The following STK32B variants were observed in gnomAD, a reference collection of about 807,000 sequenced individuals.
The protein encoded by STK32B is serine/threonine kinase 32B, also known as serine/threonine-protein kinase 32B.
Under a neutral mutation model 52.6 loss-of-function variants are expected in STK32B, and 43 were observed. The observed-to-expected ratio is 0.82, with a 90% confidence interval of 0.64 to 1.05. STK32B has a LOEUF of 1.05. Ranked by LOEUF, STK32B falls within the 50% of genes least tolerant of loss-of-function variation. The pLI is 0.00. For synonymous variants in STK32B, 238 were observed against 204.3 expected, an observed-to-expected ratio of 1.17 and a Z score of -1.41; for missense variants, 621 against 534.6, an observed-to-expected ratio of 1.16 and a Z score of -1.59.
intron 5 of STK32B, among the ~76,000 whole-genome samples, chr4:5,413,072 T>C (rs527264117): frequency 1.0e-3 from 159 of 152,288 alleles, no homozygotes; most frequent in African/African-American, 3.7e-3. Context: ...AGAAACCCTG[T>C]TGACAGCTTG....
chr4:5,184,446 G>T (rs916114928), intron 3 of STK32B, among the ~76,000 whole-genome samples: 1 of 152,110 alleles, frequency 6.6e-6, no homozygotes, highest in African/African-American at 2.4e-5. Flanking sequence ...TGATCACTTT[G>T]GGAGGCTGAG....
At chr4:5,334,060 C>G (rs1732460714) in intron 4 of STK32B, among the ~76,000 whole-genome samples, 1 of 152,042 alleles carries the variant, frequency 6.6e-6, no homozygotes, top group Non-Finnish European at 1.5e-5. Flanking sequence ...CTATAAATTA[C>G]CTTGGGCAGT....
At chr4:5,034,149 C>T in the STK32B span, among the ~76,000 whole-genome samples, 1 of 152,230 alleles carries the variant, frequency 6.6e-6, no homozygotes, top group East Asian at 1.9e-4. Flanking sequence ...CTCCATTTCA[C>T]CTAGCTGGAG....
chr4:5,237,743 C>T lies in STK32B; in HGVS notation c.260+69293C>T, dbSNP rs1017180814. Among the ~76,000 whole-genome samples the T allele has an allele frequency of 2.0e-5, 3 of 152,236 alleles. No individual in the cohort carries two copies. The East Asian group carries it at 5.8e-4, about 29-fold the overall frequency. On this transcript the variant is annotated intron_variant, in intron 3 of 11. Transcript: ENST00000282908. ...ACACACCATGACAAAGCAGCCTCCC[C>T]CCATCATGGCCACCTCTACCTGGCG...
intron 6 of STK32B, among the ~76,000 whole-genome samples, chr4:5,433,648 G>T (rs939645568): frequency 6.6e-6 from 1 of 152,206 alleles, no homozygotes; most frequent in South Asian, 2.1e-4. Flanking sequence ...TGTGTTCCCA[G>T]TCAAGAAGAG....
At chr4:5,174,399 A>G (rs1719651691) in intron 3 of STK32B, among the ~76,000 whole-genome samples, 1 of 152,064 alleles carries the variant, frequency 6.6e-6, no homozygotes, top group Non-Finnish European at 1.5e-5. Context: ...CCTAGCCTCG[A>G]TGGTCTTTAC....
At chr4:5,438,101 C>T in intron 6 of STK32B, 1 of 985,348 alleles carries the variant, frequency 1.0e-6, no homozygotes, top group Non-Finnish European at 1.2e-6. Flanking sequence ...AACACCTCGG[C>T]ACACACAGCC....
At position 5,398,284 on chromosome 4, in the gene STK32B, A is replaced by C; in HGVS notation, c.472+40A>C. 6.2e-7 allele frequency: 1 copy of C among 1,612,630 alleles called. No homozygotes were observed. ...AATCCTTTACAGGGACTCTCAGTGG[A>C]AAGTTTGAGGCACTGGGAAATAGTG... On this transcript the variant is annotated intron_variant, in intron 5 of 11. Coordinates refer to ENST00000282908, the MANE Select transcript of STK32B (RefSeq NM_018401.3). The surrounding 1 kb of genome is among the most constrained non-coding windows in gnomAD (Gnocchi z 4.9).
Position 5,416,951 on chromosome 4 carries a change from C to G in STK32B, c.562+17C>G. The G allele has an allele frequency of 6.2e-7, 1 of 1,604,230 alleles. No homozygotes were observed. Among genetic ancestry groups the G allele is most frequent in the South Asian group, 1.1e-5 (1 of 89,280 alleles). ...CCTACATGGGTGAGTGTTCCAGGCC[C>G]CTTCTTTTCATGTGATCGGGCTCAC... On this transcript the variant is annotated intron_variant, in intron 6 of 11. Transcript: ENST00000282908.
In STK32B at chr4:5,487,476, C is replaced by A. The variant is rs1372449191; in HGVS notation, c.1107-11469C>A. Reference sequence around the variant, plus strand: ...TTGTACAATGATTTTGAACTCACAGCCGAAGCCTAAGGGCAACAAACTAAA... The same window carrying A: ...TTGTACAATGATTTTGAACTCACAGACGAAGCCTAAGGGCAACAAACTAAA... On this transcript the variant is annotated intron_variant, in intron 11 of 11. Coordinates refer to ENST00000282908, the MANE Select transcript of STK32B (RefSeq NM_018401.3). 3.3e-5 allele frequency among the ~76,000 whole-genome samples: 5 copies of A among 152,100 alleles called. No individual in the cohort carries two copies. The South Asian group carries it at 8.3e-4, about 25-fold the overall frequency.
intron 11 of STK32B, among the ~76,000 whole-genome samples, chr4:5,483,263 G>A (rs1310843198): frequency 2.0e-5 from 3 of 151,624 alleles, no homozygotes; most frequent in Non-Finnish European, 4.4e-5. Flanking sequence ...CTCAATTTCA[G>A]AGCCTGTTAT....
chr4:5,037,399 C>T, the STK32B span, among the ~76,000 whole-genome samples: 1 of 152,118 alleles, frequency 6.6e-6, no homozygotes, highest in East Asian at 1.9e-4. Flanking sequence ...AAAATGGTCC[C>T]CACTTTACAA....
At chr4:5,055,908 A>G (rs1741988379) in intron 1 of STK32B, among the ~76,000 whole-genome samples, 1 of 150,672 alleles carries the variant, frequency 6.6e-6, no homozygotes, top group Admixed American at 6.6e-5. Flanking sequence ...CATAATATTT[A>G]TTTTACTTAT....
intron 11 of STK32B, among the ~76,000 whole-genome samples, chr4:5,494,719 G>A (rs1394698181): frequency 1.3e-5 from 2 of 151,646 alleles, no homozygotes; most frequent in Admixed American, 1.3e-4. Flanking sequence ...GCTACCAGTT[G>A]TTCCTTTCCA....
chr4:5,226,741 T>C (rs1723899730), intron 3 of STK32B, among the ~76,000 whole-genome samples: 1 of 152,144 alleles, frequency 6.6e-6, no homozygotes, highest in African/African-American at 2.4e-5. Context: ...CAAAGAGAAA[T>C]TGTTAATCTC....
chr4:5,276,964 A>G (rs1218624834), intron 3 of STK32B, among the ~76,000 whole-genome samples: 1 of 152,176 alleles, frequency 6.6e-6, no homozygotes, highest in Non-Finnish European at 1.5e-5. Flanking sequence ...GTTTAATGCC[A>G]TTCATTTGGA....
At chr4:5,451,955 G>T (rs1044273768) in intron 7 of STK32B, among the ~76,000 whole-genome samples, 3 of 152,136 alleles carry the variant, frequency 2.0e-5, no homozygotes, top group Admixed American at 6.5e-5. Flanking sequence ...CTTCTACCCT[G>T]GGAGGACCTG....
At chr4:5,274,047 G>A (rs1028165431) in intron 3 of STK32B, among the ~76,000 whole-genome samples, 28 of 152,092 alleles carry the variant, frequency 1.8e-4, no homozygotes, top group South Asian at 6.2e-4. Context: ...ATATTGCTAA[G>A]CTGTCAGTTC....
chr4:5,302,278 GT>G (rs1428266956), intron 3 of STK32B, among the ~76,000 whole-genome samples: 1 of 149,894 alleles, frequency 6.7e-6, no homozygotes, highest in Non-Finnish European at 1.5e-5. Flanking sequence ...TTCCTCATTT[GT>G]TTTATATTCT....
Sources: allele counts gnomAD v4.1 joint callset (sites outside exome capture counted in the v4.1 genomes callset), GRCh38; gene constraint gnomAD v4.1.1; non-coding constraint Gnocchi (gnomAD v3.1); transcripts MANE v1.5; gene names NCBI Gene and HGNC (gene_info 2026-07-23, HGNC 2026-07-21).